The following USP34 variants were observed in gnomAD, a reference collection of about 807,000 sequenced individuals.
USP34 encodes the protein ubiquitin specific peptidase 34, also known as ubiquitin carboxyl-terminal hydrolase 34.
USP34 carries 70 observed loss-of-function variants against 460.3 expected under a neutral mutation model. That is an observed-to-expected ratio of 0.15 (90% CI 0.13 to 0.19). The LOEUF (loss-of-function observed/expected upper bound fraction) is 0.19, where lower values mean the gene tolerates loss of function less well. USP34 is among the 10% of genes least tolerant of loss of function. The probability of loss-of-function intolerance (pLI) is 1.00; values close to 1 mark genes in which losing one functional copy is unlikely to be tolerated. For synonymous variants in USP34, 1,647 were observed against 1,405.3 expected (o/e 1.17, Z -3.85); for missense variants, 3,985 against 4,236.2 (o/e 0.94, Z 1.65).
At chr2:61,192,771 CAT>C (rs1308821570) in intron 76 of USP34, 128 bp downstream of exon 76, 8 of 627,130 alleles carry the variant, frequency 1.3e-5, no homozygotes, top group East Asian at 2.9e-5. Context: ...TTCATTCATT[CAT>C]ATGTTACCTA....
At position 61,188,565 on chromosome 2, in the gene USP34, G is replaced by C; in HGVS notation, c.10178C>G (p.Ser3393Cys). The C allele has an allele frequency of 6.2e-7, 1 of 1,614,180 alleles. No individual in the cohort carries two copies. The highest frequency in any genetic ancestry group is 1.1e-5 in the South Asian group (1 of 91,086). ...CTCAGTTCCTGGATCAATAATTGAG[G>C]AGTCTCTGGTCTCATTGTCAGAAGT... The part of the protein sequence containing the change: ...TSTSDNETRD[S>C]SIIDPGTEQD... The change falls in exon 80 of 80, where the codon TCC becomes TGC. Residue 3393 changes from serine to cysteine, a missense_variant. Transcript: ENST00000398571.
intron 1 of USP34, among the ~76,000 whole-genome samples, chr2:61,421,092 C>T (rs186393769): frequency 4.4e-4 from 67 of 152,286 alleles, no homozygotes; most frequent in Admixed American, 5.2e-4. Flanking sequence ...ACCAGCCTTC[C>T]GTTGTGATGC....
intron 3 of USP34, among the ~76,000 whole-genome samples, chr2:61,400,239 A>G (rs1693673818): frequency 1.3e-5 from 2 of 151,716 alleles, no homozygotes; most frequent in Non-Finnish European, 2.9e-5. Flanking sequence ...CCTCCCCAGT[A>G]GCTGGGACTA....
At chr2:61,331,175 CA>C in intron 20 of USP34, 100 bp downstream of exon 20, 15 of 977,190 alleles carry the variant, frequency 1.5e-5, no homozygotes, top group Non-Finnish European at 2.1e-5. Flanking sequence ...TTTTCTGTTA[CA>C]ATTACTTATT....
At chr2:61,310,187 C>T (rs1488121396) in intron 27 of USP34, among the ~76,000 whole-genome samples, 2 of 152,110 alleles carry the variant, frequency 1.3e-5, no homozygotes, top group Non-Finnish European at 2.9e-5. Context: ...TTCATACACT[C>T]TACGCACAAT....
Position 61,272,410 on chromosome 2 carries a change from C to CAA in USP34, c.5433+5753_5433+5754dup, listed in dbSNP as rs768984469. On this transcript the variant is annotated intron_variant, in intron 41 of 79. Coordinates refer to ENST00000398571, the MANE Select transcript of USP34 (RefSeq NM_014709.4). ...TGGGTGACAGAGGGAGACCCCATCT[C>CAA]AAAAAAAAAAAAAAAAAAAAATTAG... 3.0e-3 allele frequency among the ~76,000 whole-genome samples: 249 copies of CAA among 82,590 alleles called. 3 individuals carry two copies. The highest frequency in any genetic ancestry group is 6.9e-3 in the Middle Eastern group (1 of 144). The allele number at this position is 82,590 out of a possible 152,430, so 54.2% of individuals were successfully genotyped here. A position where few individuals can be genotyped will look rare whatever the true frequency, so the allele number is the denominator to read the frequency against.
chr2:61,319,141 A>C, intron 22 of USP34, 32 bp downstream of exon 22: 1 of 1,525,342 alleles, frequency 6.6e-7, no homozygotes, highest in Non-Finnish European at 8.7e-7. Flanking sequence ...GAACATGGAA[A>C]AATAATAACA....
At chr2:61,395,855 CAGG>C (rs1038384751) in intron 3 of USP34, among the ~76,000 whole-genome samples, 2 of 149,106 alleles carry the variant, frequency 1.3e-5, no homozygotes, top group African/African-American at 4.9e-5. Context: ...CACCTGAGGT[CAGG>C]AGATCAAGAT....
intron 58 of USP34, among the ~76,000 whole-genome samples, chr2:61,229,871 T>C (rs1687840312): frequency 6.6e-6 from 1 of 152,154 alleles, no homozygotes; most frequent in African/African-American, 2.4e-5. Flanking sequence ...ATTTCAGTAA[T>C]ACAGATGATC....
At chr2:61,359,404 A>C (rs1343358535) in intron 10 of USP34, among the ~76,000 whole-genome samples, 2 of 152,218 alleles carry the variant, frequency 1.3e-5, no homozygotes, top group Non-Finnish European at 2.9e-5. Context: ...AAAAAGAATA[A>C]AGTTTAATCT....
intron 1 of USP34, among the ~76,000 whole-genome samples, chr2:61,462,843 C>T (rs1054298142): frequency 7.5e-6 from 1 of 133,058 alleles, no homozygotes; most frequent in East Asian, 2.2e-4. Flanking sequence ...GCCTGGGAGA[C>T]AGAGGGAAAC....
intron 71 of USP34, 105 bp downstream of exon 71, chr2:61,206,655 G>T: frequency 7.2e-7 from 1 of 1,389,246 alleles, no homozygotes; most frequent in Non-Finnish European, 9.7e-7. Context: ...CATCTTCTGT[G>T]CATAAACTAG....
chr2:61,209,072 G>T (rs1435974624), intron 69 of USP34, 95 bp from the exon 70 acceptor site: 2 of 676,322 alleles, frequency 3.0e-6, no homozygotes, highest in Admixed American at 6.4e-5. Context: ...CATCATTTAA[G>T]CTCTCTGCTT....
Position 61,227,208 on chromosome 2 carries a change from T to C in USP34, c.7454A>G (p.Glu2485Gly). Residue 2485 changes from glutamate (E) to glycine (G), a missense_variant, in exon 62 of 80, where the codon GAA (glutamate) becomes GGA (glycine). Glu to Gly is a moderately conservative substitution (Grantham distance 98). Around this residue, in one of 14 missense-constraint regions of USP34, gnomAD observed 604 missense variants for 684.8 expected, o/e 0.88. Coordinates refer to ENST00000398571, the MANE Select transcript of USP34 (RefSeq NM_014709.4). The stretch of plus-strand genomic sequence containing the variant: ...TTCCCCTTCTTCCTCTGATAACACT[T>C]CAACTTGAGGCTAAGTTGGAATAAA... Reference protein sequence around the residue: ...GTKGPENPQVEVLSEEEGEEE... With the variant: ...GTKGPENPQVGVLSEEEGEEE... The C allele has an allele frequency of 6.2e-7, 1 of 1,611,544 alleles. No homozygotes were observed. Among genetic ancestry groups the C allele is most frequent in the Non-Finnish European group, 8.5e-7 (1 of 1,178,754 alleles).
Position 61,293,419 on chromosome 2 carries a change from T to A in USP34, c.4548+45A>T, listed in dbSNP as rs777794264. On this transcript the variant is annotated intron_variant, in intron 33 of 79. Transcript: ENST00000398571. ...GCTGATGAAATGGAAGTATTTCAAA[T>A]GGGATAACTACTGTAACTAGTTGAA... 4.1e-6 allele frequency: 6 copies of A among 1,456,358 alleles called. No homozygotes were observed. The South Asian group carries it at 6.3e-5, about 15-fold the overall frequency. The allele number at this position is 1,456,358 out of a possible 1,614,324, so 90.2% of individuals were successfully genotyped here.
chr2:61,382,620 A>C (rs2103868307), intron 6 of USP34, among the ~76,000 whole-genome samples: 1 of 152,356 alleles, frequency 6.6e-6, no homozygotes, highest in African/African-American at 2.4e-5. Context: ...TTTGCAAATG[A>C]GAAAAAAAGT....
At chr2:61,470,175 C>G (rs1695905132) in intron 1 of USP34, among the ~76,000 whole-genome samples, 1 of 152,200 alleles carries the variant, frequency 6.6e-6, no homozygotes, top group Non-Finnish European at 1.5e-5. Flanking sequence ...GAAAAACCAC[C>G]ACCCTGCTCC....
intron 1 of USP34, among the ~76,000 whole-genome samples, chr2:61,426,538 T>C (rs567040990): frequency 6.6e-6 from 1 of 152,022 alleles, no homozygotes; most frequent in Non-Finnish European, 1.5e-5. Flanking sequence ...ACCAGTCCTG[T>C]GGTTTGAATG....
In USP34 at chr2:61,188,547, C is replaced by A. The variant is rs760897533; in HGVS notation, c.10196G>T (p.Gly3399Val). ...AGGGGAAGGAAGATCTTGCTCAGTT[C>A]CTGGATCAATAATTGAGGAGTCTCT... is the stretch of plus-strand genomic sequence containing the variant. Reference protein sequence around the residue: ...ETRDSSIIDPGTEQDLPSPEN... With the variant: ...ETRDSSIIDPVTEQDLPSPEN... The change falls in exon 80 of 80, where the codon GGA becomes GTA. Residue 3399 changes from glycine to valine, a missense_variant. By Grantham distance (109) the Gly-to-Val change is moderately radical. Around this residue, in one of 14 missense-constraint regions of USP34, gnomAD observed 506 missense variants for 439.0 expected, o/e 1.15. Transcript: ENST00000398571. The A allele has an allele frequency of 6.2e-7, 1 of 1,614,172 alleles. No individual in the cohort carries two copies. The highest frequency in any genetic ancestry group is 8.5e-7 in the Non-Finnish European group (1 of 1,180,040).
Sources: gnomAD v4.1 joint callset for allele counts (sites outside exome capture counted in the v4.1 genomes callset) on GRCh38, gnomAD v4.1.1 for gene constraint, gnomAD v4.1.1 regional missense constraint, MANE v1.5 for transcripts, NCBI Gene and HGNC (gene_info 2026-07-23, HGNC 2026-07-21) for gene names.